GRID1: variants seen among roughly 807,000 people sequenced by gnomAD.
GRID1 encodes glutamate ionotropic receptor delta type subunit 1, also known as glutamate receptor ionotropic, delta-1.
A neutral mutation model predicts 98.0 loss-of-function variants in GRID1; 28 were observed. The ratio of observed to expected loss-of-function variants is 0.29; its 90% CI spans 0.21 to 0.39. The LOEUF is 0.39. Among genes scored for constraint, GRID1 ranks in the 10% least tolerant of loss-of-function variants. The pLI, the probability that GRID1 is intolerant of heterozygous loss-of-function variation, is 1.00. For synonymous variants in GRID1, 553 were observed against 538.5 expected (o/e 1.03, Z -0.37); for missense variants, 1,111 against 1,340.5 (o/e 0.83, Z 2.67).
At chr10:86,064,023 A>G (rs576198112) in intron 4 of GRID1, among the ~76,000 whole-genome samples, 79 of 152,212 alleles carry the variant, frequency 5.2e-4, no homozygotes, top group African/African-American at 1.9e-3. Flanking sequence ...GATATTAATG[A>G]TGTTTATCTC....
chr10:86,142,436 G>A (rs1343926160), intron 3 of GRID1, among the ~76,000 whole-genome samples: 2 of 152,258 alleles, frequency 1.3e-5, no homozygotes, highest in Admixed American at 6.5e-5. Flanking sequence ...CTGAGTGCTA[G>A]TCAGCCCCAG....
At chr10:86,100,581 C>A (rs373444036) in intron 4 of GRID1, among the ~76,000 whole-genome samples, 7 of 152,080 alleles carry the variant, frequency 4.6e-5, no homozygotes, top group African/African-American at 1.7e-4. Flanking sequence ...AAGCTGGGGG[C>A]TAAAGTTTTC....
intron 4 of GRID1, among the ~76,000 whole-genome samples, chr10:85,945,616 G>A (rs2131840729): frequency 6.6e-6 from 1 of 152,268 alleles, no homozygotes; most frequent in South Asian, 2.1e-4. Flanking sequence ...CATGTTTTTA[G>A]AAAGTCATTT....
At chr10:85,667,778 C>T (rs761273093) in intron 12 of GRID1, among the ~76,000 whole-genome samples, 1 of 152,178 alleles carries the variant, frequency 6.6e-6, no homozygotes, top group African/African-American at 2.4e-5. Context: ...ATGAGTCCAG[C>T]CTGTTCGTGT....
At chr10:86,217,314 A>G (rs1034890627) in intron 2 of GRID1, among the ~76,000 whole-genome samples, 5 of 152,328 alleles carry the variant, frequency 3.3e-5, no homozygotes, top group Admixed American at 3.3e-4. Context: ...CTCACCTGTA[A>G]ATGGATAATA....
At chr10:86,163,996 T>C (rs1845362070) in intron 3 of GRID1, among the ~76,000 whole-genome samples, 1 of 152,110 alleles carries the variant, frequency 6.6e-6, no homozygotes, top group Admixed American at 6.5e-5. Flanking sequence ...CTGAGGCCCC[T>C]GCACCACCCG....
intron 13 of GRID1, among the ~76,000 whole-genome samples, chr10:85,632,161 C>A (rs1391870520): frequency 6.6e-6 from 1 of 152,186 alleles, no homozygotes; most frequent in Non-Finnish European, 1.5e-5. Context: ...GAACCTTGGT[C>A]TTGGCTTGAC....
chr10:86,320,913 C>T (rs1318713007), intron 2 of GRID1, among the ~76,000 whole-genome samples: 2 of 151,962 alleles, frequency 1.3e-5, no homozygotes, highest in African/African-American at 4.8e-5. Flanking sequence ...TCCTGGCTAA[C>T]ACGGTGAAAC....
chr10:86,294,620 C>T (rs1026528526), intron 2 of GRID1, among the ~76,000 whole-genome samples: 2 of 152,140 alleles, frequency 1.3e-5, no homozygotes, highest in African/African-American at 4.8e-5. Flanking sequence ...CTCACGGGGG[C>T]TGGTGTGGGC....
intron 4 of GRID1, among the ~76,000 whole-genome samples, chr10:85,920,150 G>A (rs1329731230): frequency 6.6e-6 from 1 of 152,078 alleles, no homozygotes; most frequent in African/African-American, 2.4e-5. Context: ...CCTGTTCCAA[G>A]TCCCCACTTC....
chr10:86,239,447 G>A (rs901997292), intron 2 of GRID1, among the ~76,000 whole-genome samples: 5 of 152,212 alleles, frequency 3.3e-5, no homozygotes, highest in African/African-American at 4.8e-5. Flanking sequence ...TTGGGGGACT[G>A]TTGAGAAGGG....
At chr10:85,875,484 A>C (rs974495759) in intron 5 of GRID1, among the ~76,000 whole-genome samples, 4 of 152,016 alleles carry the variant, frequency 2.6e-5, no homozygotes, top group Non-Finnish European at 5.9e-5. Flanking sequence ...ATTTATATTC[A>C]TTATGATTAT....
At chr10:86,239,912 C>G (rs553699674) in intron 2 of GRID1, among the ~76,000 whole-genome samples, 3 of 152,060 alleles carry the variant, frequency 2.0e-5, no homozygotes, top group Non-Finnish European at 4.4e-5. Context: ...TAAATTAAAA[C>G]GAATCAGGAA....
chr10:85,993,512 A>ACCATTTAATCCTCCTACTGTC (rs1187658894), intron 4 of GRID1, among the ~76,000 whole-genome samples: 1 of 152,184 alleles, frequency 6.6e-6, no homozygotes, highest in Non-Finnish European at 1.5e-5. Flanking sequence ...TGGTCCTAGG[A>ACCATTTAATCCTCCTACTGTC]CCATTTAATC....
chr10:85,849,263 G>A (rs1314804284), intron 8 of GRID1, among the ~76,000 whole-genome samples: 3 of 152,170 alleles, frequency 2.0e-5, no homozygotes, highest in African/African-American at 7.2e-5. Flanking sequence ...GGGTCCTATG[G>A]CGTGGCAATC....
chr10:85,959,917 T>G (rs570139291), intron 4 of GRID1, among the ~76,000 whole-genome samples: 1 of 152,300 alleles, frequency 6.6e-6, no homozygotes, highest in Non-Finnish European at 1.5e-5. Flanking sequence ...GATCTCACTC[T>G]GTCACCCAGG....
intron 8 of GRID1, among the ~76,000 whole-genome samples, chr10:85,784,623 A>G (rs1842409329): frequency 6.6e-6 from 1 of 152,184 alleles, no homozygotes; most frequent in Non-Finnish European, 1.5e-5. Context: ...GGGAGCATGG[A>G]CTGCAGACAA....
At chr10:85,710,742 AACCCC>A (rs1841572558) in intron 12 of GRID1, among the ~76,000 whole-genome samples, 1 of 152,112 alleles carries the variant, frequency 6.6e-6, no homozygotes, top group South Asian at 2.1e-4. Flanking sequence ...ATGTATAAAG[AACCCC>A]TTCAACTTAA....
At chr10:85,876,573 G>A (rs1242009025) in intron 5 of GRID1, among the ~76,000 whole-genome samples, 1 of 152,134 alleles carries the variant, frequency 6.6e-6, no homozygotes, top group Non-Finnish European at 1.5e-5. Context: ...GATATCTTTG[G>A]AGTCCATTAT....
Sources: gnomAD v4.1 joint callset for allele counts (sites outside exome capture counted in the v4.1 genomes callset) on GRCh38, gnomAD v4.1.1 for gene constraint, MANE v1.5 for transcripts, NCBI Gene and HGNC (gene_info 2026-07-23, HGNC 2026-07-21) for gene names.